ASH1L: variants seen among roughly 807,000 people sequenced by gnomAD.
ASH1L encodes histone-lysine N-methyltransferase ASH1L.
Under a neutral mutation model 269.0 loss-of-function variants are expected in ASH1L, and 23 were observed. That is an observed-to-expected ratio of 0.09 (90% CI 0.06 to 0.12). The LOEUF (loss-of-function observed/expected upper bound fraction) is 0.12. ASH1L is among the 10% of genes least tolerant of loss of function. ASH1L has a pLI of 1.00. For missense variants in ASH1L, 2,912 were observed against 3,567.8 expected (o/e 0.82, Z 4.68); for synonymous variants, 1,187 against 1,253.5 (o/e 0.95, Z 1.12).
intron 26 of ASH1L, among the ~76,000 whole-genome samples, chr1:155,338,866 C>T (rs977015590): frequency 2.0e-5 from 3 of 152,154 alleles, no homozygotes; most frequent in African/African-American, 4.8e-5. Flanking sequence ...CCCCATTCAA[C>T]AGATGAGGAG....
At chr1:155,448,930 ATGTG>A (rs757456694) in intron 4 of ASH1L, among the ~76,000 whole-genome samples, 1 of 150,238 alleles carries the variant, frequency 6.7e-6, no homozygotes, top group Non-Finnish European at 1.5e-5. Context: ...ACAAATTTCT[ATGTG>A]TGTGTGTGTT....
At chr1:155,382,828 C>T (rs888368909) in intron 7 of ASH1L, among the ~76,000 whole-genome samples, 4 of 151,982 alleles carry the variant, frequency 2.6e-5, no homozygotes, top group South Asian at 2.1e-4. Flanking sequence ...CAGACTAAAG[C>T]GATCCTCTCA....
intron 3 of ASH1L, among the ~76,000 whole-genome samples, chr1:155,468,293 T>C (rs1166779691): frequency 6.6e-6 from 1 of 151,926 alleles, no homozygotes; most frequent in Non-Finnish European, 1.5e-5. Flanking sequence ...CACCATGCCT[T>C]ATCATTGGTG....
chr1:155,552,179 T>C (rs1671262837), intron 1 of ASH1L, among the ~76,000 whole-genome samples: 2 of 150,914 alleles, frequency 1.3e-5, no homozygotes, highest in African/African-American at 2.4e-5. Flanking sequence ...TAAATAAATA[T>C]ATGAAGGCCG....
chr1:155,353,231 A>G (rs924250107), intron 16 of ASH1L, among the ~76,000 whole-genome samples: 3 of 152,230 alleles, frequency 2.0e-5, no homozygotes, highest in Non-Finnish European at 4.4e-5. Context: ...CAATGGTAGT[A>G]CTTCCCTCAT....
At chr1:155,393,220 G>T (rs1402373658) in intron 7 of ASH1L, among the ~76,000 whole-genome samples, 1 of 152,096 alleles carries the variant, frequency 6.6e-6, no homozygotes, top group African/African-American at 2.4e-5. Flanking sequence ...TCTGTCTCCA[G>T]CCACCCAATA....
Position 155,521,139 on chromosome 1 carries a change from C to A in ASH1L, c.381G>T (p.Lys127Asn). 1 of 1,608,388 alleles carries A rather than the reference C, an allele frequency of 6.2e-7. No homozygotes were observed. The highest frequency in any genetic ancestry group is 8.5e-7 in the Non-Finnish European group (1 of 1,178,548). ...AGTGTTCATTCTTTTCATCCGTCAT[C>A]TTTCCACTTTTAAGTGCTTTCCTTG... ...KHPRKALKSG[K>N]MTDEKNEHCP... Residue 127 changes from lysine to asparagine, a missense_variant, in exon 2 of 28, where the codon AAG (lysine) becomes AAT (asparagine). Transcript: ENST00000392403.
chr1:155,483,826 T>C (rs1027745274), intron 2 of ASH1L, among the ~76,000 whole-genome samples: 1 of 151,314 alleles, frequency 6.6e-6, no homozygotes, highest in African/African-American at 2.4e-5. Flanking sequence ...AAAACAAAAG[T>C]AGGAGGAGTA....
chr1:155,338,070 T>C lies in ASH1L; in HGVS notation c.8803+19A>G, dbSNP rs773264587. On this transcript the variant is annotated intron_variant, in intron 27 of 27. Coordinates refer to ENST00000392403, the MANE Select transcript of ASH1L (RefSeq NM_018489.3). Reference sequence around the variant, plus strand: ...TCGCATTTATCTTAAACCCTAGATATGAACCTGATTCTTCTTACCATTTTT... The same window carrying C: ...TCGCATTTATCTTAAACCCTAGATACGAACCTGATTCTTCTTACCATTTTT... 5 of 1,609,194 alleles carry C rather than the reference T, an allele frequency of 3.1e-6. No homozygotes were observed. In the South Asian group the frequency reaches 3.3e-5, roughly 11 times the overall value.
At chr1:155,518,280 T>TA (rs1668633072) in intron 2 of ASH1L, among the ~76,000 whole-genome samples, 1 of 152,050 alleles carries the variant, frequency 6.6e-6, no homozygotes, top group African/African-American at 2.4e-5. Context: ...GCTAAAACGA[T>TA]AAAACCCTCA....
rs543371461 is a variant in ASH1L at position 155,452,934 on chromosome 1, T to C, written c.5086+6863A>G. Among the ~76,000 whole-genome samples, 183 of 152,320 alleles carry C rather than the reference T, an allele frequency of 1.2e-3. 1 individual carries two copies. Among genetic ancestry groups the C allele is most frequent in the African/African-American group, 4.3e-3 (178 of 41,576 alleles). On this transcript the variant is annotated intron_variant, in intron 4 of 27. Coordinates refer to ENST00000392403, the MANE Select transcript of ASH1L (RefSeq NM_018489.3). Reference sequence around the variant, plus strand: ...TGGTAGTCAGAGTTCAAATGTCTCATGCCACATGTAAACCTTAGGAATTTT... The same window carrying C: ...TGGTAGTCAGAGTTCAAATGTCTCACGCCACATGTAAACCTTAGGAATTTT...
intron 5 of ASH1L, among the ~76,000 whole-genome samples, chr1:155,421,723 T>C (rs2148563357): frequency 6.6e-6 from 1 of 151,618 alleles, no homozygotes; most frequent in South Asian, 2.1e-4. Context: ...CAAGACTTAC[T>C]GTAAATGTAT....
chr1:155,433,156 C>T (rs1224101153), intron 5 of ASH1L: 1 of 1,497,446 alleles, frequency 6.7e-7, no homozygotes, highest in South Asian at 1.3e-5. Flanking sequence ...ACCAGGCCCC[C>T]AGCTTGGGGC....
At chr1:155,471,573 G>A (rs776585115) in intron 3 of ASH1L, among the ~76,000 whole-genome samples, 10 of 152,210 alleles carry the variant, frequency 6.6e-5, no homozygotes, top group South Asian at 4.1e-4. Context: ...CAATGTGCCC[G>A]GATTCCACAA....
chr1:155,550,718 T>C (rs1671136079), intron 1 of ASH1L, among the ~76,000 whole-genome samples: 1 of 151,052 alleles, frequency 6.6e-6, no homozygotes, highest in Admixed American at 6.6e-5. Context: ...TGCTAGGACA[T>C]ATTTCCCATT....
chr1:155,445,661 A>C (rs1329154764), intron 4 of ASH1L, among the ~76,000 whole-genome samples: 1 of 152,114 alleles, frequency 6.6e-6, no homozygotes, highest in African/African-American at 2.4e-5. Flanking sequence ...CTGCCAGTTT[A>C]TATTAAAATC....
intron 1 of ASH1L, among the ~76,000 whole-genome samples, chr1:155,544,159 C>T (rs1475931345): frequency 6.6e-6 from 1 of 151,946 alleles, no homozygotes; most frequent in African/African-American, 2.4e-5. Context: ...CCACCTCGGC[C>T]TCCCAAAGTG....
chr1:155,401,189 G>A (rs771834913), intron 6 of ASH1L, among the ~76,000 whole-genome samples: 19 of 150,834 alleles, frequency 1.3e-4, no homozygotes, highest in Non-Finnish European at 1.8e-4. Flanking sequence ...AAAAAAGATC[G>A]CCGGTGGCCG....
chr1:155,387,404 G>T (rs1183916995), intron 7 of ASH1L, among the ~76,000 whole-genome samples: 1 of 152,142 alleles, frequency 6.6e-6, no homozygotes, highest in Non-Finnish European at 1.5e-5. Flanking sequence ...TTACCCAATT[G>T]CTTGTTTTTG....
Sources: allele counts gnomAD v4.1 joint callset (sites outside exome capture counted in the v4.1 genomes callset), GRCh38; gene constraint gnomAD v4.1.1; transcripts MANE v1.5; gene names NCBI Gene and HGNC (gene_info 2026-07-23, HGNC 2026-07-21).